Variants in PLEKHH1 observed in about 807,000 individuals in gnomAD.
The protein encoded by PLEKHH1 is pleckstrin homology, MyTH4 and FERM domain containing H1.
In PLEKHH1, 104 loss-of-function variants were observed where a neutral mutation model predicts 160.0. The observed-to-expected ratio is 0.65, with a 90% confidence interval of 0.55 to 0.76. PLEKHH1 has a LOEUF of 0.76. Among genes scored for constraint, PLEKHH1 ranks in the 30% least tolerant of loss-of-function variants. The probability of loss-of-function intolerance (pLI) is 0.00; values close to 1 mark genes in which losing one functional copy is unlikely to be tolerated. For missense variants in PLEKHH1, 1,427 were observed against 1,724.1 expected (o/e 0.83, Z 3.05); for synonymous variants, 619 against 678.4 (o/e 0.91, Z 1.36).
At position 67,576,082 on chromosome 14, in the gene PLEKHH1, C is replaced by A; in HGVS notation, c.2352+77C>A. ...TCTTCCCTTCTCTCTTTCTCCTGAG[C>A]TTCCCAAAATTCAAATTTATTTCCT... On this transcript the variant is annotated intron_variant, in intron 16 of 28. Transcript: ENST00000329153. The surrounding 1 kb of genome is among the most constrained non-coding windows in gnomAD (Gnocchi z 4.0). The A allele has an allele frequency of 8.3e-7, 1 of 1,202,388 alleles. No individual in the cohort carries two copies. Among genetic ancestry groups the A allele is most frequent in the African/African-American group, 1.5e-5 (1 of 65,724 alleles). The allele number at this position is 1,202,388 out of a possible 1,614,324, so 74.5% of individuals were successfully genotyped here.
chr14:67,568,901 T>C, intron 7 of PLEKHH1: 1 of 493,044 alleles, frequency 2.0e-6, no homozygotes, highest in Middle Eastern at 5.4e-4. Flanking sequence ...GTTAAATGCT[T>C]ATGTTAAGTA....
intron 7 of PLEKHH1, among the ~76,000 whole-genome samples, chr14:67,563,903 GTTTT>G (rs71129836): frequency 7.4e-6 from 1 of 135,434 alleles, no homozygotes; most frequent in Non-Finnish European, 1.6e-5. Context: ...CCGGCTAACT[GTTTT>G]TTTTTTTTTT....
chr14:67,551,409 G>A (rs2034384619), intron 2 of PLEKHH1, among the ~76,000 whole-genome samples: 1 of 152,104 alleles, frequency 6.6e-6, no homozygotes, highest in Admixed American at 6.5e-5. Flanking sequence ...TACTTTACAT[G>A]GGGCAGCTTG....
intron 2 of PLEKHH1, among the ~76,000 whole-genome samples, chr14:67,550,919 C>A: frequency 6.6e-6 from 1 of 152,208 alleles, no homozygotes; most frequent in East Asian, 1.9e-4. Flanking sequence ...GAGATACTAA[C>A]AGTACCTGCC....
chr14:67,586,645 G>C (rs2036177245), intron 28 of PLEKHH1: 4 of 443,654 alleles, frequency 9.0e-6, no homozygotes, highest in South Asian at 8.1e-5. Flanking sequence ...GCTAAGTTCT[G>C]ATTTATTGTT....
chr14:67,581,839 G>T lies in PLEKHH1; in HGVS notation c.3285-230G>T, dbSNP rs146644224. On this transcript the variant is annotated intron_variant, in intron 23 of 28. Transcript: ENST00000329153. ...CTTACTAAATCCAGTAAGCTTAATGGTATCTTCAGAATGAACCATGCCCTC... is the reference window on the plus strand; with the variant it reads ...CTTACTAAATCCAGTAAGCTTAATGTTATCTTCAGAATGAACCATGCCCTC... 4.2e-3 allele frequency: 2,105 copies of T among 501,420 alleles called. 24 individuals are homozygous for T. Among genetic ancestry groups the T allele is most frequent in the South Asian group, 0.016 (715 of 45,282 alleles). 31.1% of individuals were successfully genotyped at this position (501,420 alleles called of 1,614,324 possible).
Position 67,587,289 on chromosome 14 carries a change from A to G in PLEKHH1, c.*54A>G, listed in dbSNP as rs770737815. The stretch of plus-strand genomic sequence containing the variant: ...CACTAGTGCCTCTGGATTTAGAGAT[A>G]TATATCCTAGGGTATGATACTACTG... On this transcript the variant is annotated 3_prime_UTR_variant, in exon 29 of 29. Coordinates refer to ENST00000329153, the MANE Select transcript of PLEKHH1 (RefSeq NM_020715.3). 4.4e-6 allele frequency: 7 copies of G among 1,596,778 alleles called. No individual in the cohort carries two copies. The highest frequency in any genetic ancestry group is 1.3e-5 in the African/African-American group (1 of 74,556).
At chr14:67,542,142 C>A in intron 2 of PLEKHH1, 149 bp downstream of exon 2, 1 of 756,816 alleles carries the variant, frequency 1.3e-6, no homozygotes, top group Non-Finnish European at 2.0e-6. Flanking sequence ...AGTTTAAGAC[C>A]AAAGTCCGAG....
chr14:67,589,451 CAG>C lies in PLEKHH1; in HGVS notation c.*2218_*2219del. 1 of 985,256 alleles carries C rather than the reference CAG, an allele frequency of 1.0e-6. No individual in the cohort carries two copies. The highest frequency in any genetic ancestry group is 1.7e-5 in the African/African-American group (1 of 57,318). 61.0% of individuals were successfully genotyped at this position (985,256 alleles called of 1,614,324 possible). A position where few individuals can be genotyped will look rare whatever the true frequency, so the allele number is the denominator to read the frequency against. On this transcript the variant is annotated 3_prime_UTR_variant, in exon 29 of 29. Coordinates refer to ENST00000329153, the MANE Select transcript of PLEKHH1 (RefSeq NM_020715.3). ...TGATATAAAAAAAAATGCTGAGTAACAGAAAAGTATTAATGTGCTTGACACCA... is the reference window on the plus strand; with the variant it reads ...TGATATAAAAAAAAATGCTGAGTAACAAAAGTATTAATGTGCTTGACACCA...
Position 67,580,109 on chromosome 14 carries a change from C to T in PLEKHH1, c.3183+233C>T, listed in dbSNP as rs541526052. ...AAGATCGCTACACACCTACTTCCCT[C>T]GAGTGGCTGTGCAGCGTCCAGAAGA... On this transcript the variant is annotated intron_variant, in intron 22 of 28. Transcript: ENST00000329153. 2.1e-4 allele frequency: 103 copies of T among 488,416 alleles called. 1 individual carries two copies. The highest frequency in any genetic ancestry group is 2.5e-4 in the Non-Finnish European group (68 of 271,256). 30.3% of individuals were successfully genotyped at this position (488,416 alleles called of 1,614,324 possible). A position where few individuals can be genotyped will look rare whatever the true frequency, so the allele number is the denominator to read the frequency against.
rs553889859 is a variant in PLEKHH1, at chr14:67,568,081, C to T, written c.1264-1057C>T. ...GGGCTAAATAGGCTTTGTAGATTGGCCCTGAAGCCTAGCCATGATATGACA... is the reference window on the plus strand; with the variant it reads ...GGGCTAAATAGGCTTTGTAGATTGGTCCTGAAGCCTAGCCATGATATGACA... On this transcript the variant is annotated intron_variant, in intron 7 of 28. Transcript: ENST00000329153. Among the ~76,000 whole-genome samples the T allele has an allele frequency of 1.6e-4, 25 of 152,264 alleles. No homozygotes were observed. In the Middle Eastern group the frequency reaches 0.017, roughly 104 times the overall value.
intron 1 of PLEKHH1, chr14:67,533,722 C>G (rs12587985): frequency 6.6e-6 from 1 of 152,230 alleles, no homozygotes; most frequent in Non-Finnish European, 1.5e-5. Flanking sequence ...TATCGGTGCT[C>G]GCTCCCTTTC....
In PLEKHH1 at chr14:67,572,284, CG is replaced by C. The variant is rs2035422978; in HGVS notation, c.1728+10del. On this transcript the variant is annotated splice_region_variant and intron_variant, in intron 11 of 28. Transcript: ENST00000329153. ...CGGGCTGGGCCTGGGCGGGGTGAGC[CG>C]GGAAACGGGCGGGGGCAGGGTGGAA... is the stretch of plus-strand genomic sequence containing the variant. 2 of 1,583,932 alleles carry C rather than the reference CG, an allele frequency of 1.3e-6. No individual in the cohort carries two copies. The highest frequency in any genetic ancestry group is 1.1e-5 in the South Asian group (1 of 87,404).
chr14:67,585,922 C>A, intron 27 of PLEKHH1, 29 bp from the exon 28 acceptor site: 1 of 1,595,326 alleles, frequency 6.3e-7, no homozygotes, highest in South Asian at 1.1e-5. Context: ...TGGAAAGTTT[C>A]CCCACAACTG....
intron 3 of PLEKHH1, among the ~76,000 whole-genome samples, chr14:67,556,898 C>G (rs2034616741): frequency 6.6e-6 from 1 of 152,076 alleles, no homozygotes; most frequent in Non-Finnish European, 1.5e-5. Flanking sequence ...ATATCTCTAC[C>G]ACGGTGGGGT....
chr14:67,545,059 A>G (rs1184468147), intron 2 of PLEKHH1, among the ~76,000 whole-genome samples: 2 of 152,202 alleles, frequency 1.3e-5, no homozygotes, highest in Admixed American at 6.5e-5. Context: ...TCAAATAACA[A>G]TGGCTTAAAC....
chr14:67,550,435 C>T (rs1241426223), intron 2 of PLEKHH1, among the ~76,000 whole-genome samples: 2 of 152,152 alleles, frequency 1.3e-5, no homozygotes, highest in Non-Finnish European at 2.9e-5. Context: ...GTGATCCATC[C>T]GCCTCGGCCT....
At chr14:67,538,044 T>C (rs956246825) in intron 1 of PLEKHH1, among the ~76,000 whole-genome samples, 8 of 152,220 alleles carry the variant, frequency 5.3e-5, no homozygotes, top group Admixed American at 2.0e-4. Flanking sequence ...TAGCGGGGTA[T>C]TGGGGACAGA....
At chr14:67,561,870 A>C (rs775531091) in intron 5 of PLEKHH1, 84 bp from the exon 6 acceptor site, 2 of 158,158 alleles carry the variant, frequency 1.3e-5, no homozygotes, top group Non-Finnish European at 2.4e-5. Context: ...ACCCTGTCTC[A>C]AAAAAAAAAA....
Sources: allele counts gnomAD v4.1 joint callset (sites outside exome capture counted in the v4.1 genomes callset), GRCh38; gene constraint gnomAD v4.1.1; non-coding constraint Gnocchi (gnomAD v3.1); transcripts MANE v1.5; gene names NCBI Gene and HGNC (gene_info 2026-07-23, HGNC 2026-07-21).